Variants in BBS9 observed in about 807,000 individuals in gnomAD.
BBS9 encodes protein PTHB1.
Under a neutral mutation model 117.7 loss-of-function variants are expected in BBS9, and 89 were observed. That is an observed-to-expected ratio of 0.76 (90% CI 0.64 to 0.90). BBS9 has a LOEUF of 0.90. Among genes scored for constraint, BBS9 ranks in the 40% least tolerant of loss-of-function variants. BBS9 has a pLI of 0.00. For missense variants in BBS9, 982 were observed against 1,042.2 expected (o/e 0.94, Z 0.80); for synonymous variants, 379 against 370.9 (o/e 1.02, Z -0.25).
chr7:33,197,107 G>GA (rs901303724), intron 5 of BBS9, among the ~76,000 whole-genome samples: 46 of 149,410 alleles, frequency 3.1e-4, no homozygotes, highest in African/African-American at 1.1e-3. Context: ...AGTGTTGTTT[G>GA]AAAAAAAAAA....
At chr7:33,320,771 A>G (rs1319981915) in intron 9 of BBS9, among the ~76,000 whole-genome samples, 1 of 152,034 alleles carries the variant, frequency 6.6e-6, no homozygotes, top group Non-Finnish European at 1.5e-5. Flanking sequence ...TGACTTTTAG[A>G]TAAAAGCCAT....
chr7:33,165,859 G>A (rs181406310), intron 4 of BBS9, among the ~76,000 whole-genome samples: 110 of 152,214 alleles, frequency 7.2e-4, no homozygotes, highest in African/African-American at 2.4e-3. Flanking sequence ...CTCATTCTCC[G>A]TCAAGCTTTG....
intron 9 of BBS9, among the ~76,000 whole-genome samples, chr7:33,310,492 A>C (rs1808981333): frequency 1.3e-5 from 2 of 152,222 alleles, no homozygotes; most frequent in African/African-American, 2.4e-5. Flanking sequence ...ATAGGATGAC[A>C]ATATAATATT....
At chr7:33,237,759 A>C (rs1793770242) in intron 5 of BBS9, among the ~76,000 whole-genome samples, 1 of 152,188 alleles carries the variant, frequency 6.6e-6, no homozygotes, top group East Asian at 1.9e-4. Context: ...CACTCTATGA[A>C]AATAAATTGA....
intron 9 of BBS9, among the ~76,000 whole-genome samples, chr7:33,295,902 C>T (rs1805160539): frequency 6.6e-6 from 1 of 151,378 alleles, no homozygotes; most frequent in African/African-American, 2.4e-5. Context: ...TTTTTTATAC[C>T]AAAAAGAGAA....
intron 9 of BBS9, among the ~76,000 whole-genome samples, chr7:33,320,164 C>T (rs1034801151): frequency 1.3e-5 from 2 of 151,886 alleles, no homozygotes; most frequent in East Asian, 3.9e-4. Flanking sequence ...CTTTAGTCAC[C>T]CTGTTGTGCT....
intron 19 of BBS9, among the ~76,000 whole-genome samples, chr7:33,447,311 G>A (rs1217383639): frequency 1.3e-5 from 2 of 152,166 alleles, no homozygotes; most frequent in Non-Finnish European, 2.9e-5. Context: ...CAATCATAGT[G>A]GGCACCTCTC....
intron 6 of BBS9, among the ~76,000 whole-genome samples, chr7:33,260,697 A>T (rs1797843468): frequency 1.3e-5 from 2 of 152,242 alleles, no homozygotes; most frequent in African/African-American, 4.8e-5. Context: ...ATAGTATTCA[A>T]GGAGGCAGGA....
At chr7:33,340,661 C>G (rs1348752396) in intron 10 of BBS9, among the ~76,000 whole-genome samples, 1 of 152,144 alleles carries the variant, frequency 6.6e-6, no homozygotes, top group Admixed American at 6.5e-5. Flanking sequence ...TAATGCTGGT[C>G]AGTCAATGGC....
intron 18 of BBS9, among the ~76,000 whole-genome samples, chr7:33,387,011 C>T (rs1826158987): frequency 6.6e-6 from 1 of 152,014 alleles, no homozygotes; most frequent in African/African-American, 2.4e-5. Context: ...ATTATACATA[C>T]TATTTTGTAT....
chr7:33,572,905 G>T (rs1440100956), intron 21 of BBS9, among the ~76,000 whole-genome samples: 1 of 151,688 alleles, frequency 6.6e-6, no homozygotes, highest in African/African-American at 2.4e-5. Flanking sequence ...TTATTCAGTG[G>T]TTATACTTCA....
intron 5 of BBS9, among the ~76,000 whole-genome samples, chr7:33,247,653 TTTAA>T (rs1193013501): frequency 6.6e-6 from 1 of 152,224 alleles, no homozygotes; most frequent in Non-Finnish European, 1.5e-5. Context: ...TGTTGTACTA[TTTAA>T]TTAACTCCCA....
At position 33,340,898 on chromosome 7, in the gene BBS9, T is replaced by G; in HGVS notation, c.1200T>G (p.Gly400=). The change falls in exon 11 of 23, where the codon GGT becomes GGG. Residue 400 remains glycine (G), a splice_region_variant and synonymous_variant. Coordinates refer to ENST00000242067, the MANE Select transcript of BBS9 (RefSeq NM_198428.3). ...AATTTTTCTTTTTTTAAATCACAGGTGTTTGGCCCATGACTGAGAGAGAAG... is the reference window on the plus strand; with the variant it reads ...AATTTTTCTTTTTTTAAATCACAGGGGTTTGGCCCATGACTGAGAGAGAAG... The part of the protein sequence containing the change: ...KIIKDVNKSQ[G]VWPMTEREDD... 6.2e-7 allele frequency: 1 copy of G among 1,612,724 alleles called. No individual in the cohort carries two copies. Among genetic ancestry groups the G allele is most frequent in the Non-Finnish European group, 8.5e-7 (1 of 1,179,078 alleles).
At position 33,257,062 on chromosome 7, in the gene BBS9, G is replaced by T. The variant is rs182804635; in HGVS notation, c.443-174G>T. On this transcript the variant is annotated intron_variant, in intron 5 of 22. Coordinates refer to ENST00000242067, the MANE Select transcript of BBS9 (RefSeq NM_198428.3). ...ACCTCAGAATTAGTTTATAGTTGAG[G>T]GCAATTAGGGATTGGTATTTTTCAC... 2.7e-3 allele frequency among the ~76,000 whole-genome samples: 413 copies of T among 152,088 alleles called. 1 individual carries two copies. The highest frequency in any genetic ancestry group is 9.7e-3 in the African/African-American group (402 of 41,464).
intron 20 of BBS9, among the ~76,000 whole-genome samples, chr7:33,529,361 T>A (rs1850205296): frequency 6.6e-6 from 1 of 152,138 alleles, no homozygotes; most frequent in South Asian, 2.1e-4. Context: ...GCTAGGCAGC[T>A]ATCTATCAAG....
At chr7:33,563,647 T>G (rs1415829931) in intron 21 of BBS9, among the ~76,000 whole-genome samples, 2 of 152,204 alleles carry the variant, frequency 1.3e-5, no homozygotes, top group African/African-American at 4.8e-5. Flanking sequence ...CAAAAGCAAC[T>G]TTTTATTCTA....
intron 21 of BBS9, among the ~76,000 whole-genome samples, chr7:33,626,679 G>A (rs919757861): frequency 6.6e-6 from 1 of 152,134 alleles, no homozygotes; most frequent in African/African-American, 2.4e-5. Flanking sequence ...GCATTGTGGA[G>A]GTTGTTAGGC....
At chr7:33,390,361 C>A in intron 19 of BBS9, 1 of 985,200 alleles carries the variant, frequency 1.0e-6, no homozygotes, top group Non-Finnish European at 1.2e-6. Flanking sequence ...TTATTTTTTT[C>A]TGCTTAGCCT....
chr7:33,257,501 A>C, intron 6 of BBS9, 91 bp downstream of exon 6: 1 of 1,037,786 alleles, frequency 9.6e-7, no homozygotes, highest in Non-Finnish European at 1.5e-6. Context: ...CAATATCACA[A>C]ATGAAAAAGA....
Sources: gnomAD v4.1 joint callset for allele counts (sites outside exome capture counted in the v4.1 genomes callset) on GRCh38, gnomAD v4.1.1 for gene constraint, MANE v1.5 for transcripts, NCBI Gene and HGNC (gene_info 2026-07-23, HGNC 2026-07-21) for gene names.